Variants in TEX36 observed in about 807,000 individuals in gnomAD.
TEX36 encodes the protein testis-expressed protein 36.
Under a neutral mutation model 13.6 loss-of-function variants are expected in TEX36, and 12 were observed. The observed-to-expected ratio is 0.88, with a 90% CI of 0.56 to 1.43. TEX36 has a LOEUF of 1.43. TEX36 is among the 40% of genes most tolerant of loss of function. The pLI is 0.00. For synonymous variants in TEX36, 93 were observed against 83.0 expected (o/e 1.12, Z -0.65); for missense variants, 224 against 228.3 (o/e 0.98, Z 0.12).
At chr10:125,644,833 C>A (rs1834166910) in intron 3 of TEX36, among the ~76,000 whole-genome samples, 1 of 152,208 alleles carries the variant, frequency 6.6e-6, no homozygotes. Flanking sequence ...CAAGCTCAAT[C>A]AGGTGATCCC....
At chr10:125,656,951 T>C (rs1187144118) in intron 3 of TEX36, among the ~76,000 whole-genome samples, 1 of 152,090 alleles carries the variant, frequency 6.6e-6, no homozygotes, top group East Asian at 1.9e-4. Flanking sequence ...GCTGAATTCT[T>C]TCCCAACCCT....
At chr10:125,666,904 ACT>A in intron 1 of TEX36, 1 of 465,674 alleles carries the variant, frequency 2.1e-6, no homozygotes, top group Non-Finnish European at 3.9e-6. Context: ...ATGAAGAGGG[ACT>A]CTCTAGCAGC....
chr10:125,613,786 G>T (rs1417134165), intron 3 of TEX36, among the ~76,000 whole-genome samples: 3 of 152,094 alleles, frequency 2.0e-5, no homozygotes, highest in Admixed American at 6.5e-5. Context: ...AGTCCTTTGG[G>T]TATATACCCA....
Position 125,615,814 on chromosome 10 carries a change from G to T in TEX36, c.265-38940C>A, listed in dbSNP as rs577509204. The stretch of plus-strand genomic sequence containing the variant: ...TGGCTTCATAAAATGAGTTAGGGAG[G>T]ATTCCCTCTTTTTCTATTGATTGGA... On this transcript the variant is annotated intron_variant, in intron 3 of 3. Coordinates refer to the TEX36 transcript ENST00000532135. 2.8e-3 allele frequency among the ~76,000 whole-genome samples: 424 copies of T among 152,262 alleles called. 3 individuals carry two copies. Among genetic ancestry groups the T allele is most frequent in the African/African-American group, 9.5e-3 (393 of 41,532 alleles).
At chr10:125,623,311 G>C (rs1846449498) in intron 3 of TEX36, among the ~76,000 whole-genome samples, 1 of 152,132 alleles carries the variant, frequency 6.6e-6, no homozygotes, top group South Asian at 2.1e-4. Flanking sequence ...CACCCACATT[G>C]AGGGTAGGTC....
chr10:125,658,746 A>T (rs533842915), intron 3 of TEX36, among the ~76,000 whole-genome samples: 32 of 152,218 alleles, frequency 2.1e-4, no homozygotes, highest in Non-Finnish European at 4.3e-4. Flanking sequence ...AACCATATAG[A>T]TAATTCAAAA....
chr10:125,578,004 A>G (rs1424949531), intron 3 of TEX36, among the ~76,000 whole-genome samples: 1 of 152,272 alleles, frequency 6.6e-6, no homozygotes, highest in Non-Finnish European at 1.5e-5. Context: ...GGCTATATTT[A>G]TCAGCATTAT....
chr10:125,644,232 T>C (rs1846733599), intron 3 of TEX36, among the ~76,000 whole-genome samples: 1 of 152,140 alleles, frequency 6.6e-6, no homozygotes, highest in Non-Finnish European at 1.5e-5. Flanking sequence ...AGCTGGAAGA[T>C]GAAGTTCGGG....
chr10:125,656,294 T>C (rs1200782363), intron 3 of TEX36, 98 bp from the exon 4 acceptor site: 5 of 1,195,036 alleles, frequency 4.2e-6, no homozygotes, highest in Non-Finnish European at 3.3e-6. Flanking sequence ...TCTTGCTCTG[T>C]CACCCAGGCC....
intron 3 of TEX36, among the ~76,000 whole-genome samples, chr10:125,649,184 A>G (rs1389276299): frequency 6.6e-6 from 1 of 152,168 alleles, no homozygotes; most frequent in Non-Finnish European, 1.5e-5. Context: ...GAGAAGTGCA[A>G]CTCCAAGACA....
chr10:125,623,443 C>T (rs960013987), intron 3 of TEX36, among the ~76,000 whole-genome samples: 1 of 152,166 alleles, frequency 6.6e-6, no homozygotes, highest in Non-Finnish European at 1.5e-5. Context: ...ATTGATACCT[C>T]GTGTTCATAA....
At chr10:125,667,842 T>C in intron 1 of TEX36, 6 of 1,492,876 alleles carry the variant, frequency 4.0e-6, no homozygotes, top group Non-Finnish European at 5.6e-6. Flanking sequence ...ATGCTCCCAG[T>C]GGACTCATCT....
exon 4 of TEX36, chr10:125,576,736 G>C: frequency 6.5e-7 from 1 of 1,534,582 alleles, no homozygotes. Flanking sequence ...ACAGAAACTT[G>C]CTCCCAAAGA....
At chr10:125,647,608 C>T (rs1214974503) in intron 3 of TEX36, among the ~76,000 whole-genome samples, 3 of 152,188 alleles carry the variant, frequency 2.0e-5, no homozygotes, top group African/African-American at 7.2e-5. Context: ...GTGAGTGACA[C>T]AGAAGATGGG....
rs1172347439 is a variant in TEX36 at position 125,598,203 on chromosome 10, G to T, written c.265-21329C>A. Among the ~76,000 whole-genome samples the T allele has an allele frequency of 2.0e-5, 3 of 152,194 alleles. No individual in the cohort carries two copies. The South Asian group carries it at 6.2e-4, about 32-fold the overall frequency. On this transcript the variant is annotated intron_variant, in intron 3 of 3. Coordinates refer to the TEX36 transcript ENST00000532135. ...GTATGGTTGTTTGTCACGTTCTCTG[G>T]CCTGTCTTTGAAGACGCTGCTGATA...
At position 125,661,866 on chromosome 10, in the gene TEX36, T is replaced by C. The variant is rs779914158; in HGVS notation, c.163A>G (p.Ile55Val). 3 of 1,551,916 alleles carry C rather than the reference T, an allele frequency of 1.9e-6. No individual in the cohort carries two copies. The highest frequency in any genetic ancestry group is 1.7e-6 in the Non-Finnish European group (2 of 1,147,024). The change falls in exon 2 of 4, where the codon ATA (isoleucine) becomes GTA (valine). Residue 55 changes from isoleucine to valine, a missense_variant. Ile to Val is a conservative substitution (Grantham distance 29). Transcript: ENST00000368821. ...CTCACCTTCTCCCGGACTTTGTATA[T>C]GGGCGGCAGCTTCCCCTCCGCTTGC... ...PRQAEGKLPP[I>V]YKVREKQAVN...
At chr10:125,619,802 G>C (rs1028226809), downstream of TEX36, among the ~76,000 whole-genome samples, 2 of 151,758 alleles carry the variant, frequency 1.3e-5, no homozygotes, top group Admixed American at 1.3e-4. Flanking sequence ...TGATCCACCT[G>C]CCTCCGCCTC....
chr10:125,649,194 A>C (rs1352368014), intron 3 of TEX36, among the ~76,000 whole-genome samples: 7 of 152,228 alleles, frequency 4.6e-5, no homozygotes, highest in African/African-American at 1.2e-4. Flanking sequence ...ACTCCAAGAC[A>C]CATAATTGTC....
chr10:125,614,568 G>T lies in TEX36; in HGVS notation c.265-37694C>A, dbSNP rs1226494237. ...TTTCCCCATTGCTTGTTCTTCTCAG[G>T]TTTGTCAAAGATCAGATAGTTGTAG... On this transcript the variant is annotated intron_variant, in intron 3 of 3. Coordinates refer to the TEX36 transcript ENST00000532135. Among the ~76,000 whole-genome samples, 6 of 152,166 alleles carry T rather than the reference G, an allele frequency of 3.9e-5. No individual in the cohort carries two copies. In the South Asian group the frequency reaches 1.0e-3, roughly 26 times the overall value.
Sources: gnomAD v4.1 joint callset for allele counts (sites outside exome capture counted in the v4.1 genomes callset) on GRCh38, gnomAD v4.1.1 for gene constraint, MANE v1.5 for transcripts, NCBI Gene and HGNC (gene_info 2026-07-23, HGNC 2026-07-21) for gene names.